The following RASSF3 variants were observed in gnomAD, a reference collection of about 807,000 sequenced individuals.
The protein encoded by RASSF3 is Ras association domain family member 3, also known as ras association domain-containing protein 3.
RASSF3 carries 19 observed loss-of-function variants against 19.9 expected under a neutral mutation model. That is an observed-to-expected ratio of 0.96 (90% CI 0.67 to 1.40). The LOEUF (loss-of-function observed/expected upper bound fraction) is 1.40. Ranked by LOEUF, RASSF3 falls within the 40% of genes most tolerant of loss-of-function variation. RASSF3 has a pLI of 0.00. For synonymous variants in RASSF3, 110 were observed against 104.2 expected (o/e 1.06, Z -0.34); for missense variants, 306 against 289.8 (o/e 1.06, Z -0.41).
chr12:64,548,311 C>G lies in RASSF3; in HGVS notation c.294+6606C>G, dbSNP rs189470041. 3.5e-3 allele frequency among the ~76,000 whole-genome samples: 532 copies of G among 152,092 alleles called. 4 individuals are homozygous for G. Among genetic ancestry groups the G allele is most frequent in the African/African-American group, 0.012 (510 of 41,524 alleles). ...CCTCAGCCTCCCAAGTAGCTGGGAC[C>G]ATGGGCAGGCACCATCATGCCCAGC... On this transcript the variant is annotated intron_variant, in intron 2 of 5. Coordinates refer to the RASSF3 transcript ENST00000637125.
chr12:64,644,884 A>G (rs1321539437), intron 1 of RASSF3, among the ~76,000 whole-genome samples: 1 of 152,058 alleles, frequency 6.6e-6, no homozygotes, highest in Non-Finnish European at 1.5e-5. Context: ...TTTTGTGTAG[A>G]GACAGCAAAA....
At chr12:64,579,042 G>A (rs544293085) in intron 2 of RASSF3, among the ~76,000 whole-genome samples, 2 of 151,802 alleles carry the variant, frequency 1.3e-5, no homozygotes, top group South Asian at 2.1e-4. Context: ...CAGGAGAATC[G>A]CTTGAACCCA....
chr12:64,688,492 T>A, intron 3 of RASSF3, 39 bp downstream of exon 3: 3 of 1,379,264 alleles, frequency 2.2e-6, no homozygotes, highest in Non-Finnish European at 3.1e-6. Context: ...TCTGTGCTTC[T>A]ACTTGCATCT....
chr12:64,570,222 G>A (rs1377976916), intron 2 of RASSF3, among the ~76,000 whole-genome samples: 5 of 152,018 alleles, frequency 3.3e-5, no homozygotes, highest in African/African-American at 1.2e-4. Context: ...CCAAACCAAG[G>A]GTGTGTCTTT....
intron 2 of RASSF3, among the ~76,000 whole-genome samples, chr12:64,595,005 G>A (rs1869976960): frequency 6.7e-6 from 1 of 148,150 alleles, no homozygotes; most frequent in African/African-American, 2.5e-5. Context: ...ACACACACAT[G>A]CACACTACAT....
rs551220254 is a variant in RASSF3, at chr12:64,595,784, A to G, written c.294+54079A>G. Among the ~76,000 whole-genome samples the G allele has an allele frequency of 2.6e-3, 394 of 152,284 alleles. 1 individual carries two copies. The highest frequency in any genetic ancestry group is 2.9e-3 in the Non-Finnish European group (200 of 68,036). On this transcript the variant is annotated intron_variant, in intron 2 of 5. Transcript: ENST00000637125. ...AAAATGAGGGTTTCAGAAGCAGCCT[A>G]AGAAGCAAAAGTTTTTCTCTGACCT...
intron 2 of RASSF3, among the ~76,000 whole-genome samples, chr12:64,591,646 CCT>C (rs1446520294): frequency 2.0e-5 from 3 of 152,126 alleles, no homozygotes; most frequent in Non-Finnish European, 2.9e-5. Flanking sequence ...AGATATATTT[CCT>C]TTTTTATTTT....
intron 2 of RASSF3, among the ~76,000 whole-genome samples, chr12:64,597,508 G>A (rs1234085398): frequency 1.3e-5 from 2 of 151,826 alleles, no homozygotes; most frequent in African/African-American, 4.8e-5. Context: ...CCAGGCTGGA[G>A]TGCAGTGTCA....
upstream of RASSF3, among the ~76,000 whole-genome samples, chr12:64,529,588 G>C (rs1868662549): frequency 1.3e-5 from 2 of 152,170 alleles, no homozygotes; most frequent in African/African-American, 4.8e-5. Context: ...CAAGAGGAAA[G>C]GAGAGCAGAA....
At chr12:64,597,384 C>A (rs1398515939) in intron 2 of RASSF3, among the ~76,000 whole-genome samples, 1 of 151,902 alleles carries the variant, frequency 6.6e-6, no homozygotes, top group Non-Finnish European at 1.5e-5. Flanking sequence ...ACCTGCCTCA[C>A]CCTCCCAAAA....
chr12:64,508,841 G>A (rs1256753803), intron 1 of RASSF3, among the ~76,000 whole-genome samples: 5 of 151,344 alleles, frequency 3.3e-5, no homozygotes, highest in Admixed American at 6.6e-5. Flanking sequence ...AGCCGAGATT[G>A]TGCGATTGCA....
intron 2 of RASSF3, among the ~76,000 whole-genome samples, chr12:64,600,465 A>C (rs1870073843): frequency 1.3e-5 from 2 of 152,198 alleles, no homozygotes. Flanking sequence ...AAATTTCCCA[A>C]CTATTTGAGG....
intron 1 of RASSF3, among the ~76,000 whole-genome samples, chr12:64,512,274 G>A (rs1471236615): frequency 3.3e-5 from 5 of 152,126 alleles, no homozygotes; most frequent in East Asian, 3.9e-4. Flanking sequence ...TAGGCTGATG[G>A]ACAAGATGAC....
chr12:64,520,549 TACAC>T (rs1157799363), intron 1 of RASSF3, among the ~76,000 whole-genome samples: 39 of 79,048 alleles, frequency 4.9e-4, no homozygotes, highest in African/African-American at 1.6e-3. Flanking sequence ...GATACACACA[TACAC>T]ACATATATAT....
intron 1 of RASSF3, among the ~76,000 whole-genome samples, chr12:64,519,413 A>G (rs1436642767): frequency 6.6e-6 from 1 of 151,222 alleles, no homozygotes; most frequent in Non-Finnish European, 1.5e-5. Flanking sequence ...TCAAATACGT[A>G]TATATATATA....
At chr12:64,693,163 T>TTA (rs1868309255) in intron 4 of RASSF3, among the ~76,000 whole-genome samples, 1 of 151,284 alleles carries the variant, frequency 6.6e-6, no homozygotes, top group Non-Finnish European at 1.5e-5. Flanking sequence ...TTTTTTTTTT[T>TTA]TAAATAACCA....
chr12:64,648,723 C>T (rs1314456587), intron 1 of RASSF3, among the ~76,000 whole-genome samples: 3 of 151,460 alleles, frequency 2.0e-5, no homozygotes, highest in South Asian at 2.1e-4. Context: ...CCTTGTGATC[C>T]GCCTGCCTCG....
chr12:64,563,167 A>ATTTTTT (rs1424648962), intron 2 of RASSF3, among the ~76,000 whole-genome samples: 2 of 146,356 alleles, frequency 1.4e-5, no homozygotes, highest in African/African-American at 2.6e-5. Flanking sequence ...ATTTATTTTT[A>ATTTTTT]TTTTTATTTT....
At chr12:64,676,713 T>C (rs1242244358) in intron 1 of RASSF3, among the ~76,000 whole-genome samples, 1 of 151,862 alleles carries the variant, frequency 6.6e-6, no homozygotes, top group African/African-American at 2.4e-5. Context: ...GCAGGTGATC[T>C]ATCCACCTTG....
Sources: allele counts gnomAD v4.1 joint callset (sites outside exome capture counted in the v4.1 genomes callset), GRCh38; gene constraint gnomAD v4.1.1; transcripts MANE v1.5; gene names NCBI Gene and HGNC (gene_info 2026-07-23, HGNC 2026-07-21).